CAPS2: variants seen among roughly 807,000 people sequenced by gnomAD.
CAPS2 encodes calcyphosin-2.
A neutral mutation model predicts 86.5 loss-of-function variants in CAPS2; 98 were observed. The ratio of observed to expected loss-of-function variants is 1.13; its 90% CI spans 0.96 to 1.34. CAPS2 has a LOEUF of 1.34. Among genes scored for constraint, CAPS2 ranks in the 40% most tolerant of loss-of-function variants. The pLI, the probability that CAPS2 is intolerant of heterozygous loss-of-function variation, is 0.00. For synonymous variants in CAPS2, 210 were observed against 225.1 expected (o/e 0.93, Z 0.60); for missense variants, 729 against 686.8 (o/e 1.06, Z -0.69).
Position 75,297,719 on chromosome 12 carries a change from C to T in CAPS2, c.1044+968G>A, listed in dbSNP as rs79678071. 2.2e-3 allele frequency among the ~76,000 whole-genome samples: 332 copies of T among 152,308 alleles called. 5 individuals are homozygous for T. The highest frequency in any genetic ancestry group is 5.8e-3 in the Admixed American group (88 of 15,294). On this transcript the variant is annotated intron_variant, in intron 11 of 16. Transcript: ENST00000393284. ...GCTCTGACTCATCTCTTGCCAACCT[C>T]CACCTTGAACTCTCCTCCAACCAGA...
chr12:75,346,402 T>C (rs1299140668), intron 1 of CAPS2, among the ~76,000 whole-genome samples: 1 of 152,154 alleles, frequency 6.6e-6, no homozygotes, highest in Admixed American at 6.5e-5. Flanking sequence ...ACTCTTTTTT[T>C]TTTTTTGAGA....
chr12:75,321,516 G>A lies in CAPS2; in HGVS notation c.352C>T (p.Gln118Ter), dbSNP rs756170787. 9 of 1,547,882 alleles carry A rather than the reference G, an allele frequency of 5.8e-6. No individual in the cohort carries two copies. The highest frequency in any genetic ancestry group is 7.9e-6 in the Non-Finnish European group (9 of 1,144,034). ...TCTTTAATTTCAGTTTTACATTGCT[G>A]ATATTTTAGTTTACATTTGTCTGTT... Residue 118 changes from glutamine to a stop codon, truncating the protein, a stop_gained, in exon 5 of 17, where the codon CAG becomes TAG. Coordinates refer to ENST00000393284, the Ensembl canonical transcript of CAPS2. LOFTEE classifies it high-confidence loss of function.
intron 16 of CAPS2, among the ~76,000 whole-genome samples, chr12:75,280,356 G>A (rs958631398): frequency 6.6e-6 from 1 of 151,724 alleles, no homozygotes; most frequent in Non-Finnish European, 1.5e-5. Flanking sequence ...TTGAAATACA[G>A]TGACAAGTTT....
chr12:75,276,177 T>C (rs2032899286), downstream of CAPS2: 1 of 1,529,980 alleles, frequency 6.5e-7, no homozygotes, highest in Admixed American at 2.1e-5. Flanking sequence ...ATATGCCCAT[T>C]ACCTTCTATT....
rs1329284887 is a variant in CAPS2, at chr12:75,374,628, C to T, written c.-395+16210G>A. 2.0e-5 allele frequency among the ~76,000 whole-genome samples: 3 copies of T among 152,286 alleles called. No homozygotes were observed. In the East Asian group the frequency reaches 5.8e-4, roughly 29 times the overall value. ...TCAATGTAAGGGGCCAGTGTGATAC[C>T]TTGTGAAAGGGAAAAGTGATATTTC... On this transcript the variant is annotated intron_variant, in intron 1 of 5. Coordinates refer to the CAPS2 transcript ENST00000551829.
chr12:75,330,280 G>A (rs563092789), upstream of CAPS2, among the ~76,000 whole-genome samples: 2 of 152,276 alleles, frequency 1.3e-5, no homozygotes, highest in Non-Finnish European at 2.9e-5. Context: ...AACCCAAAGG[G>A]GTGAAACCTC....
intron 1 of CAPS2, among the ~76,000 whole-genome samples, chr12:75,365,415 A>T (rs1005846959): frequency 6.6e-6 from 1 of 152,224 alleles, no homozygotes; most frequent in Non-Finnish European, 1.5e-5. Context: ...ATAAAAAATT[A>T]TAACCTGATA....
intron 9 of CAPS2, 46 bp downstream of exon 9, chr12:75,299,791 G>T: frequency 1.1e-6 from 1 of 922,510 alleles, no homozygotes; most frequent in African/African-American, 1.7e-5. Flanking sequence ...AAGAGAATAC[G>T]TTTTTATAAT....
intron 2 of CAPS2, among the ~76,000 whole-genome samples, chr12:75,324,064 A>G (rs2040548097): frequency 6.6e-6 from 1 of 152,244 alleles, no homozygotes; most frequent in Admixed American, 6.5e-5. Context: ...CTAAAATTAT[A>G]TCATGTCTAT....
chr12:75,296,927 G>A (rs1356958654), intron 11 of CAPS2, among the ~76,000 whole-genome samples: 2 of 152,188 alleles, frequency 1.3e-5, no homozygotes, highest in African/African-American at 4.8e-5. Flanking sequence ...CTAATAAATT[G>A]TAAAATGCTT....
chr12:75,351,274 C>A (rs192832009), intron 1 of CAPS2, among the ~76,000 whole-genome samples: 1 of 152,228 alleles, frequency 6.6e-6, no homozygotes, highest in East Asian at 1.9e-4. Context: ...AGGATATCAT[C>A]CAGGAGAACT....
chr12:75,296,198 G>A (rs969610821), intron 11 of CAPS2, among the ~76,000 whole-genome samples: 2 of 101,614 alleles, frequency 2.0e-5, no homozygotes, highest in African/African-American at 6.4e-5. Flanking sequence ...TATGTGATCT[G>A]TGTAACAGTG....
chr12:75,279,142 A>C, intron 16 of CAPS2, 77 bp from the exon 17 acceptor site: 1 of 1,211,872 alleles, frequency 8.3e-7, no homozygotes, highest in South Asian at 1.6e-5. Context: ...AGGAATACTT[A>C]ATCATCTTAT....
At chr12:75,354,732 C>T (rs1003679134) in intron 1 of CAPS2, among the ~76,000 whole-genome samples, 1 of 152,198 alleles carries the variant, frequency 6.6e-6, no homozygotes, top group Non-Finnish European at 1.5e-5. Flanking sequence ...TCAAACTACA[C>T]TACAAGGCTA....
intron 14 of CAPS2, 45 bp from the exon 15 acceptor site, chr12:75,285,125 C>A (rs775218099): frequency 6.3e-7 from 1 of 1,578,560 alleles, no homozygotes. Context: ...AGTTACATAT[C>A]GTCACAACAA....
intron 8 of CAPS2, 65 bp downstream of exon 8, chr12:75,304,692 G>A (rs2038229805): frequency 2.5e-6 from 3 of 1,216,454 alleles, no homozygotes; most frequent in Non-Finnish European, 3.4e-6. Context: ...AGACACAGAA[G>A]TACATTTTAA....
chr12:75,325,428 G>A lies in CAPS2; in HGVS notation c.82-140C>T, dbSNP rs943785261. ...ATTCTATATAATAAATACTTATTAA[G>A]CCCCTTCCTACTGTGCTTGAGACAC... On this transcript the variant is annotated intron_variant, in intron 1 of 16. Coordinates refer to ENST00000393284, the Ensembl canonical transcript of CAPS2. 2.2e-5 allele frequency: 16 copies of A among 732,004 alleles called. No homozygotes were observed. The African/African-American group carries it at 2.9e-4, about 13-fold the overall frequency. The allele number at this position is 732,004 out of a possible 1,614,324, so 45.3% of individuals were successfully genotyped here.
At chr12:75,387,572 C>A (rs2045356105) in intron 1 of CAPS2, among the ~76,000 whole-genome samples, 1 of 152,154 alleles carries the variant, frequency 6.6e-6, no homozygotes, top group Non-Finnish European at 1.5e-5. Flanking sequence ...ATACCTGAAA[C>A]TGAGTAAGTT....
upstream of CAPS2, chr12:75,334,746 A>C: frequency 1.2e-6 from 2 of 1,613,968 alleles, no homozygotes; most frequent in Non-Finnish European, 1.7e-6. Context: ...TGAAGAATAA[A>C]TTCAGTTGTT....
Sources: allele counts gnomAD v4.1 joint callset (sites outside exome capture counted in the v4.1 genomes callset), GRCh38; gene constraint gnomAD v4.1.1; transcripts MANE v1.5; gene names NCBI Gene and HGNC (gene_info 2026-07-23, HGNC 2026-07-21).